Variants in CDHR5 observed in about 807,000 individuals in gnomAD.
The protein encoded by CDHR5 is cadherin related family member 5, also known as cadherin-related family member 5.
In CDHR5, 82 loss-of-function variants were observed where a neutral mutation model predicts 69.5. The observed-to-expected ratio is 1.18, with a 90% CI of 0.99 to 1.42. CDHR5 has a LOEUF of 1.42. CDHR5 is among the 40% of genes most tolerant of loss of function. The pLI is 0.00. For missense variants in CDHR5, 1,293 were observed against 1,168.9 expected (o/e 1.11, Z -1.55); for synonymous variants, 601 against 510.2 (o/e 1.18, Z -2.40).
rs1158160870 is a variant in CDHR5, at chr11:617,171, C to T, written c.*180G>A. Reference sequence around the variant, plus strand: ...CAGACCCACCGCCTCATCTGCACACCTGGGCTCAAGCGCTAATGACGACAG... The same window carrying T: ...CAGACCCACCGCCTCATCTGCACACTTGGGCTCAAGCGCTAATGACGACAG... On this transcript the variant is annotated 3_prime_UTR_variant, in exon 15 of 15. Coordinates refer to ENST00000397542, the MANE Select transcript of CDHR5 (RefSeq NM_021924.5). 3.3e-6 allele frequency: 2 copies of T among 608,348 alleles called. No individual in the cohort carries two copies. Among genetic ancestry groups the T allele is most frequent in the Non-Finnish European group, 3.0e-6 (1 of 336,960 alleles). 37.7% of individuals were successfully genotyped at this position (608,348 alleles called of 1,614,324 possible). A position where few individuals can be genotyped will look rare whatever the true frequency, so the allele number is the denominator to read the frequency against.
rs1168001153 is a variant in CDHR5 at position 624,219 on chromosome 11, G to C, written c.306C>G (p.Gly102=). The C allele has an allele frequency of 1.3e-6, 1 of 766,142 alleles. No individual in the cohort carries two copies. Among genetic ancestry groups the C allele is most frequent in the Non-Finnish European group, 2.4e-6 (1 of 411,782 alleles). The allele number at this position is 766,142 out of a possible 1,614,324, so 47.5% of individuals were successfully genotyped here. The change falls in exon 3 of 15, where the codon GGC becomes GGG. Residue 102 remains glycine (G), a synonymous_variant. Transcript: ENST00000397542. The surrounding 1 kb of genome is among the most constrained non-coding windows in gnomAD (Gnocchi z 5.3). ...LEAQLLCQSG[G]TLVTQLRVFV... Reference sequence around the variant, plus strand: ...GAGCGGGGCGGGGACTCACCAATGTGCCTCCGCTCTGACACAGCAGCTGAG... The same window carrying C: ...GAGCGGGGCGGGGACTCACCAATGTCCCTCCGCTCTGACACAGCAGCTGAG...
In CDHR5 at chr11:618,999, C is replaced by T; in HGVS notation, c.1560G>A (p.Gly520=). Residue 520 remains glycine (G), a synonymous_variant, in exon 13 of 15, where the codon GGG becomes GGA. Coordinates refer to ENST00000397542, the MANE Select transcript of CDHR5 (RefSeq NM_021924.5). ...LRPPTSSTPG[G]PPGAENSTSH... is the part of the protein sequence containing the mutation. ...AGGTGCTGTTTTCTGCACCCGGGGG[C>T]CCCCCGGGTGTGGACGAGGTTGGTG... The T allele has an allele frequency of 1.2e-6, 2 of 1,606,070 alleles. No homozygotes were observed. The highest frequency in any genetic ancestry group is 1.7e-6 in the Non-Finnish European group (2 of 1,173,498).
Position 617,552 on chromosome 11 carries a change from G to A in CDHR5, c.2337C>T (p.Thr779=), listed in dbSNP as rs1234305196. The A allele has an allele frequency of 2.5e-6, 4 of 1,612,140 alleles. No individual in the cohort carries two copies. Among genetic ancestry groups the A allele is most frequent in the Non-Finnish European group, 2.5e-6 (3 of 1,179,610 alleles). Residue 779 remains threonine (T), a synonymous_variant, in exon 15 of 15, where the codon ACC becomes ACT. Transcript: ENST00000397542. The part of the protein sequence containing the change: ...GSPTAVRSIL[T]KERRPEGGYK... ...ACCCGCCCTCCGGCCGCCGCTCCTT[G>A]GTCAGGATGGACCTCACCGCCGTGG...
rs779296980 is a variant in CDHR5 at position 619,018 on chromosome 11, G to A, written c.1541C>T (p.Thr514Ile). 19 of 1,613,560 alleles carry A rather than the reference G, an allele frequency of 1.2e-5. No homozygotes were observed. Among genetic ancestry groups the A allele is most frequent in the Middle Eastern group, 1.6e-4 (1 of 6,082 alleles). ...CGGGGGCCCCCCGGGTGTGGACGAG[G>A]TTGGTGGCCTCAGAGTTGTGCCAGA... The part of the protein sequence containing the change: ...PPSGTTLRPP[T>I]SSTPGGPPGA... Residue 514 changes from threonine to isoleucine, a missense_variant, in exon 13 of 15, where the codon ACC becomes ATC. By Grantham distance (89) the Thr-to-Ile change is moderately conservative. Transcript: ENST00000397542.
chr11:621,980 C>A lies in CDHR5; in HGVS notation c.313-76G>T, dbSNP rs1209829279. ...TGCACCCCTCGACGGCTATCCGTCC[C>A]CACCGTGAGTGAGGTGCACCCCTCA... On this transcript the variant is annotated intron_variant, in intron 3 of 14. Coordinates refer to ENST00000397542, the MANE Select transcript of CDHR5 (RefSeq NM_021924.5). The surrounding 1 kb of genome is among the most constrained non-coding windows in gnomAD (Gnocchi z 4.4). The A allele has an allele frequency of 7.7e-6, 9 of 1,175,630 alleles. No individual in the cohort carries two copies. Among genetic ancestry groups the A allele is most frequent in the Non-Finnish European group, 1.1e-5 (9 of 815,744 alleles). The allele number at this position is 1,175,630 out of a possible 1,614,324, so 72.8% of individuals were successfully genotyped here. A position where few individuals can be genotyped will look rare whatever the true frequency, so the allele number is the denominator to read the frequency against.
At position 617,753 on chromosome 11, in the gene CDHR5, G is replaced by A; in HGVS notation, c.2136C>T (p.Gly712=). ...CGKAPEPQPQ[G]FDNQAFLPDH... ...CAGGGAGGAACGCCTGGTTGTCAAA[G>A]CCTTGGGGCTGGGGCTCCTGCAGGC... The change falls in exon 15 of 15, where the codon GGC becomes GGT. Residue 712 remains glycine, a synonymous_variant. Coordinates refer to ENST00000397542, the MANE Select transcript of CDHR5 (RefSeq NM_021924.5). 2 of 1,456,536 alleles carry A rather than the reference G, an allele frequency of 1.4e-6. No homozygotes were observed. Among genetic ancestry groups the A allele is most frequent in the South Asian group, 1.4e-5 (1 of 69,376 alleles). The allele number at this position is 1,456,536 out of a possible 1,614,324, so 90.2% of individuals were successfully genotyped here. A position where few individuals can be genotyped will look rare whatever the true frequency, so the allele number is the denominator to read the frequency against.
chr11:621,812 C>A lies in CDHR5; in HGVS notation c.405G>T (p.Glu135Asp). The change falls in exon 4 of 15, where the codon GAG becomes GAT. Residue 135 changes from glutamate to aspartate, a missense_variant and splice_region_variant. Glu to Asp is a conservative substitution (Grantham distance 45, BLOSUM62 2). Transcript: ENST00000397542. This position sits in a 1 kb window ranked among gnomAD's most constrained non-coding sequence, Gnocchi z 4.4. ...PFKTKEIRVE[E>D]DTKVNSTVIP... ...GTCCCCGCGGCTTCGCTGGCCTCAC[C>A]TCCTCCACCCTTATCTCCTTGGTCT... The A allele has an allele frequency of 6.2e-7, 1 of 1,612,726 alleles. No homozygotes were observed. The highest frequency in any genetic ancestry group is 8.5e-7 in the Non-Finnish European group (1 of 1,179,086).
In CDHR5 at chr11:621,775, C is replaced by T. The variant is rs1438972126; in HGVS notation, c.405+37G>A. The stretch of plus-strand genomic sequence containing the variant: ...CCTGCCCTCACCCTGGGCTCCCACA[C>T]CCCCGTGCCCAGTCCCCGCGGCTTC... On this transcript the variant is annotated intron_variant, in intron 4 of 14. Transcript: ENST00000397542. This position sits in a 1 kb window ranked among gnomAD's most constrained non-coding sequence, Gnocchi z 4.4. The T allele has an allele frequency of 1.3e-6, 2 of 1,583,724 alleles. No individual in the cohort carries two copies. Among genetic ancestry groups the T allele is most frequent in the South Asian group, 1.1e-5 (1 of 89,954 alleles).
chr11:621,902 C>T lies in CDHR5; in HGVS notation c.315G>A (p.Val105=). ...QLLCQSGGTL[V]TQLRVFVSVL... is the part of the protein sequence containing the mutation. Reference sequence around the variant, plus strand: ...CTGACACGAACACCCTTAGCTGGGTCACCTGCAGGATGTGGCCGTCAGCCT... The same window carrying T: ...CTGACACGAACACCCTTAGCTGGGTTACCTGCAGGATGTGGCCGTCAGCCT... The change falls in exon 4 of 15, where the codon GTG becomes GTA. Residue 105 remains valine (V), a splice_region_variant and synonymous_variant. Transcript: ENST00000397542. The surrounding 1 kb of genome is among the most constrained non-coding windows in gnomAD (Gnocchi z 4.4). 1 of 1,612,176 alleles carries T rather than the reference C, an allele frequency of 6.2e-7. No homozygotes were observed. The highest frequency in any genetic ancestry group is 8.5e-7 in the Non-Finnish European group (1 of 1,179,044).
chr11:621,869 G>C lies in CDHR5; in HGVS notation c.348C>G (p.Asp116Glu). The C allele has an allele frequency of 6.2e-7, 1 of 1,613,622 alleles. No homozygotes were observed. The highest frequency in any genetic ancestry group is 8.5e-7 in the Non-Finnish European group (1 of 1,179,846). ...TQLRVFVSVL[D>E]VNDNAPEFPF... Reference sequence around the variant, plus strand: ...GGAATTCGGGGGCATTGTCATTGACGTCCAGCACTGACACGAACACCCTTA... The same window carrying C: ...GGAATTCGGGGGCATTGTCATTGACCTCCAGCACTGACACGAACACCCTTA... The change falls in exon 4 of 15, where the codon GAC becomes GAG. Residue 116 changes from aspartate to glutamate, a missense_variant. By Grantham distance (45) the Asp-to-Glu change is conservative. Coordinates refer to ENST00000397542, the MANE Select transcript of CDHR5 (RefSeq NM_021924.5). The surrounding 1 kb of genome is among the most constrained non-coding windows in gnomAD (Gnocchi z 4.4).
rs1321927271 is a variant in CDHR5 at position 618,610 on chromosome 11, G to T, written c.1949C>A (p.Thr650Asn). The change falls in exon 13 of 15, where the codon ACC becomes AAC. Residue 650 changes from threonine (T) to asparagine (N), a missense_variant. Thr to Asn is a moderately conservative substitution (Grantham distance 65, BLOSUM62 0). Coordinates refer to ENST00000397542, the MANE Select transcript of CDHR5 (RefSeq NM_021924.5). ...AGAGTGGGTGCTACCTGAAGATGGG[G>T]TGCTCTTGCTGAGGGGCATCGGCTG... ...TSQPMPLSKS[T>N]PSSGGGPSED... 1 of 1,613,928 alleles carries T rather than the reference G, an allele frequency of 6.2e-7. No homozygotes were observed. Among genetic ancestry groups the T allele is most frequent in the Non-Finnish European group, 8.5e-7 (1 of 1,180,014 alleles).
chr11:620,816 GCCCCAGCCCACCT>G (rs1273695820), intron 7 of CDHR5, among the ~76,000 whole-genome samples: 1 of 152,104 alleles, frequency 6.6e-6, no homozygotes, highest in Non-Finnish European at 1.5e-5. Flanking sequence ...GAGCTCCAGG[GCCCCAGCCCACCT>G]CCCCAGGCCC....
chr11:619,150 G>T lies in CDHR5; in HGVS notation c.1409C>A (p.Thr470Lys). The T allele has an allele frequency of 1.3e-6, 2 of 1,567,188 alleles. No homozygotes were observed. The highest frequency in any genetic ancestry group is 1.7e-6 in the Non-Finnish European group (2 of 1,158,550). ...DVPPSPEAGGTTGPWTSTTSE... is the reference protein window; with the variant it reads ...DVPPSPEAGGKTGPWTSTTSE... ...AGTGGTGCTGGTCCAGGGCCCAGTT[G>T]TTCCTCCAGCCTCTGGGGATGGGGG... The change falls in exon 13 of 15, where the codon ACA becomes AAA. Residue 470 changes from threonine (T) to lysine (K), a missense_variant. By Grantham distance (78) the Thr-to-Lys change is moderately conservative. Coordinates refer to ENST00000397542, the MANE Select transcript of CDHR5 (RefSeq NM_021924.5).
In CDHR5 at chr11:621,802, C is replaced by G; in HGVS notation, c.405+10G>C. The G allele has an allele frequency of 3.7e-6, 6 of 1,611,346 alleles. No homozygotes were observed. The highest frequency in any genetic ancestry group is 4.2e-6 in the Non-Finnish European group (5 of 1,178,038). On this transcript the variant is annotated intron_variant, in intron 4 of 14. Coordinates refer to ENST00000397542, the MANE Select transcript of CDHR5 (RefSeq NM_021924.5). The surrounding 1 kb of genome is among the most constrained non-coding windows in gnomAD (Gnocchi z 4.4). ...CCCGTGCCCAGTCCCCGCGGCTTCG[C>G]TGGCCTCACCTCCTCCACCCTTATC... is the stretch of plus-strand genomic sequence containing the variant.
chr11:620,116 G>A lies in CDHR5; in HGVS notation c.929C>T (p.Thr310Ile), dbSNP rs2133196770. ...FIIHPDSGNL[T>I]VARSVPSPMT... The stretch of plus-strand genomic sequence containing the variant: ...GGGGCTGGGGACACTCCTGGCCACG[G>A]TGAGGTTGCCCGAGTCTGGGTGGAT... The change falls in exon 9 of 15, where the codon ACC (threonine) becomes ATC (isoleucine). Residue 310 changes from threonine (T) to isoleucine (I), a missense_variant. Coordinates refer to ENST00000397542, the MANE Select transcript of CDHR5 (RefSeq NM_021924.5). The A allele has an allele frequency of 6.2e-7, 1 of 1,613,496 alleles. No homozygotes were observed. The highest frequency in any genetic ancestry group is 8.5e-7 in the Non-Finnish European group (1 of 1,179,776).
rs748023078 is a variant in CDHR5 at position 620,157 on chromosome 11, C to A, written c.888G>T (p.Val296=). ...CTGGGTGGATGATGAATGTACCATTCACGTTTCCTGGGAGGATGATGGAAG... is the reference window on the plus strand; with the variant it reads ...CTGGGTGGATGATGAATGTACCATTAACGTTTCCTGGGAGGATGATGGAAG... ...PIIYSIFRGN[V]NGTFIIHPDS... Residue 296 remains valine, a synonymous_variant, in exon 9 of 15, where the codon GTG becomes GTT. Coordinates refer to ENST00000397542, the MANE Select transcript of CDHR5 (RefSeq NM_021924.5). 1 of 1,613,280 alleles carries A rather than the reference C, an allele frequency of 6.2e-7. No individual in the cohort carries two copies. Among genetic ancestry groups the A allele is most frequent in the Non-Finnish European group, 8.5e-7 (1 of 1,179,538 alleles).
chr11:617,870 C>T (rs1291284474), intron 14 of CDHR5, 84 bp downstream of exon 14: 1 of 1,522,430 alleles, frequency 6.6e-7, no homozygotes, highest in East Asian at 2.3e-5. Flanking sequence ...GTCTCCACAT[C>T]TGTCCCTCTG....
intron 7 of CDHR5, among the ~76,000 whole-genome samples, chr11:620,800 C>T (rs1419028440): frequency 6.6e-6 from 1 of 152,020 alleles, no homozygotes; most frequent in Non-Finnish European, 1.5e-5. Flanking sequence ...TGTCAGCATC[C>T]CTTAAGAGCT....
chr11:619,838 G>T lies in CDHR5; in HGVS notation c.1022C>A (p.Thr341Asn). The change falls in exon 10 of 15, where the codon ACC (threonine) becomes AAC (asparagine). Residue 341 changes from threonine (T) to asparagine (N), a missense_variant. By Grantham distance (65) the Thr-to-Asn change is moderately conservative. Transcript: ENST00000397542. ...DLARYSVTQV[T>N]VEAVAAAGSP... ...CCCGGCCGCAGCCACAGCCTCCACGGTGACCTGGGTCACTGAGTAGCGGGC... is the reference window on the plus strand; with the variant it reads ...CCCGGCCGCAGCCACAGCCTCCACGTTGACCTGGGTCACTGAGTAGCGGGC... 6.4e-7 allele frequency: 1 copy of T among 1,566,980 alleles called. No homozygotes were observed.
Sources: gnomAD v4.1 joint callset for allele counts (sites outside exome capture counted in the v4.1 genomes callset) on GRCh38, gnomAD v4.1.1 for gene constraint, Gnocchi (gnomAD v3.1) non-coding constraint, MANE v1.5 for transcripts, NCBI Gene and HGNC (gene_info 2026-07-23, HGNC 2026-07-21) for gene names.